IQGAP1: variants seen among roughly 807,000 people sequenced by gnomAD.
IQGAP1 encodes the protein ras GTPase-activating-like protein IQGAP1.
In IQGAP1, 66 loss-of-function variants were observed where a neutral mutation model predicts 215.6. The ratio of observed to expected loss-of-function variants is 0.31; its 90% CI spans 0.25 to 0.38. The LOEUF is 0.38. Among genes scored for constraint, IQGAP1 ranks in the 10% least tolerant of loss-of-function variants. The probability of loss-of-function intolerance (pLI) is 1.00; values close to 1 mark genes in which losing one functional copy is unlikely to be tolerated. For synonymous variants in IQGAP1, 772 were observed against 728.7 expected (o/e 1.06, Z -0.96); for missense variants, 1,712 against 1,997.1 (o/e 0.86, Z 2.72).
In IQGAP1 at chr15:90,454,419, C is replaced by G. The variant is rs760494752; in HGVS notation, c.1488-9C>G. The G allele has an allele frequency of 1.2e-6, 2 of 1,613,340 alleles. No homozygotes were observed. The highest frequency in any genetic ancestry group is 4.5e-5 in the East Asian group (2 of 44,812). ...CTTAATGCTCTTTTTACTTGGGGGTCTGGGGCAGGTATCTCGATGAGTTGA... is the reference window on the plus strand; with the variant it reads ...CTTAATGCTCTTTTTACTTGGGGGTGTGGGGCAGGTATCTCGATGAGTTGA... On this transcript the variant is annotated splice_polypyrimidine_tract_variant and intron_variant, in intron 13 of 37. Transcript: ENST00000268182.
chr15:90,394,523 C>T (rs941412160), intron 2 of IQGAP1, among the ~76,000 whole-genome samples: 39 of 152,260 alleles, frequency 2.6e-4, no homozygotes, highest in African/African-American at 4.8e-4. Context: ...GCATGCTCTT[C>T]GTTATTAGTG....
intron 18 of IQGAP1, among the ~76,000 whole-genome samples, chr15:90,470,584 C>G (rs1302556603): frequency 6.6e-6 from 1 of 151,970 alleles, no homozygotes; most frequent in African/African-American, 2.4e-5. Context: ...TTTTTTAAAG[C>G]CCATGGAATT....
rs887921639 is a variant in IQGAP1, at chr15:90,438,076, G to T, written c.468-1256G>T. 5.3e-5 allele frequency among the ~76,000 whole-genome samples: 8 copies of T among 152,082 alleles called. 1 individual carries two copies. The highest frequency in any genetic ancestry group is 1.9e-4 in the African/African-American group (8 of 41,406). On this transcript the variant is annotated intron_variant, in intron 5 of 37. Coordinates refer to ENST00000268182, the MANE Select transcript of IQGAP1 (RefSeq NM_003870.4). ...TTATATACAATTTAAATTTTGATCA[G>T]TTCTGTGATTGCAGTGTACATGATG...
intron 23 of IQGAP1, chr15:90,474,994 CTTTTTTTTTTT>C (rs771704265): frequency 2.5e-5 from 3 of 119,572 alleles, no homozygotes; most frequent in Admixed American, 8.3e-5. Flanking sequence ...TGATTTTTGG[CTTTTTTTTTTT>C]TTTTTTTTTT....
rs551403823 is a variant in IQGAP1, at chr15:90,452,998, C to T, written c.1326+60C>T. 80 of 1,584,386 alleles carry T rather than the reference C, an allele frequency of 5.0e-5. No individual in the cohort carries two copies. In the African/African-American group the frequency reaches 1.0e-3, roughly 20 times the overall value. ...AGTTGGGTGGACGTGAGTGTAATAC[C>T]CACTTCTTCCTGTGGTTAGGTAGAA... On this transcript the variant is annotated intron_variant, in intron 12 of 37. Coordinates refer to ENST00000268182, the MANE Select transcript of IQGAP1 (RefSeq NM_003870.4).
chr15:90,407,478 A>C (rs1964895850), intron 2 of IQGAP1, among the ~76,000 whole-genome samples: 1 of 152,142 alleles, frequency 6.6e-6, no homozygotes, highest in African/African-American at 2.4e-5. Context: ...AGACAATGGA[A>C]ATCTGCTTAA....
chr15:90,394,194 T>TG (rs1964681163), intron 2 of IQGAP1, among the ~76,000 whole-genome samples: 1 of 150,822 alleles, frequency 6.6e-6, no homozygotes, highest in Non-Finnish European at 1.5e-5. Flanking sequence ...TCAGGTTTTT[T>TG]TTTTTTTTTT....
intron 4 of IQGAP1, among the ~76,000 whole-genome samples, chr15:90,431,461 A>T (rs1384061103): frequency 6.6e-6 from 1 of 152,244 alleles, no homozygotes; most frequent in Non-Finnish European, 1.5e-5. Flanking sequence ...GTGGGCAATG[A>T]CAATAACCTC....
chr15:90,472,320 A>G (rs1358008701), intron 18 of IQGAP1, among the ~76,000 whole-genome samples: 1 of 152,182 alleles, frequency 6.6e-6, no homozygotes, highest in Non-Finnish European at 1.5e-5. Context: ...TTTGCTTGAC[A>G]AAATTTCCTG....
intron 1 of IQGAP1, among the ~76,000 whole-genome samples, chr15:90,390,330 G>T (rs1413765380): frequency 1.3e-5 from 2 of 152,234 alleles, no homozygotes; most frequent in African/African-American, 4.8e-5. Context: ...AAATAGGAGT[G>T]ATAATCACAG....
In IQGAP1 at chr15:90,394,985, G is replaced by A. The variant is rs79717656; in HGVS notation, c.155+4112G>A. Among the ~76,000 whole-genome samples the A allele has an allele frequency of 4.9e-3, 748 of 152,254 alleles. 10 individuals carry two copies. Among genetic ancestry groups the A allele is most frequent in the African/African-American group, 0.017 (727 of 41,558 alleles). On this transcript the variant is annotated intron_variant, in intron 2 of 37. Transcript: ENST00000268182. ...AGAGTATAAGTGTAGAGAGACGAAA[G>A]TTTTCTGTGGCTGTGGGTTTGTGTT... is the stretch of plus-strand genomic sequence containing the variant.
At chr15:90,472,330 G>A (rs1965917119) in intron 18 of IQGAP1, among the ~76,000 whole-genome samples, 1 of 152,100 alleles carries the variant, frequency 6.6e-6, no homozygotes, top group Admixed American at 6.6e-5. Flanking sequence ...AAAATTTCCT[G>A]GCTGTCCAGT....
chr15:90,473,676 G>C (rs780908390), intron 19 of IQGAP1, 39 bp from the exon 20 acceptor site: 24 of 1,397,744 alleles, frequency 1.7e-5, no homozygotes, highest in Admixed American at 1.3e-4. Context: ...ATTGATGCTT[G>C]GGAAGTAATA....
chr15:90,429,809 A>C, intron 4 of IQGAP1, 143 bp downstream of exon 4: 1 of 515,388 alleles, frequency 1.9e-6, no homozygotes, highest in Non-Finnish European at 3.4e-6. Context: ...TTTCTTTTTG[A>C]CTTAGGAAAT....
intron 35 of IQGAP1, 23 bp from the exon 36 acceptor site, chr15:90,494,690 G>GT: frequency 6.3e-7 from 1 of 1,585,694 alleles, no homozygotes; most frequent in East Asian, 2.3e-5. Context: ...CTTATAGAAA[G>GT]TGACATGATG....
intron 28 of IQGAP1, among the ~76,000 whole-genome samples, chr15:90,482,533 A>G (rs1219154534): frequency 6.6e-6 from 1 of 152,198 alleles, no homozygotes; most frequent in African/African-American, 2.4e-5. Flanking sequence ...AGTTTCTTTG[A>G]GTCCTATCTT....
chr15:90,409,451 T>G (rs1361493665), intron 2 of IQGAP1, among the ~76,000 whole-genome samples: 2 of 152,154 alleles, frequency 1.3e-5, no homozygotes, highest in African/African-American at 4.8e-5. Flanking sequence ...TTGGCCAGGC[T>G]GGTCTCGAAC....
chr15:90,455,463 T>A (rs1472474692), intron 14 of IQGAP1, among the ~76,000 whole-genome samples: 1 of 152,116 alleles, frequency 6.6e-6, no homozygotes, highest in Non-Finnish European at 1.5e-5. Flanking sequence ...GAAACATACC[T>A]ATCACTCAGG....
At chr15:90,441,739 T>G in intron 8 of IQGAP1, 55 bp downstream of exon 8, 1 of 1,258,968 alleles carries the variant, frequency 7.9e-7, no homozygotes, top group Non-Finnish European at 1.1e-6. Flanking sequence ...CGTCATTTGA[T>G]ATGGCTCCAG....
Sources: gnomAD v4.1 joint callset for allele counts (sites outside exome capture counted in the v4.1 genomes callset) on GRCh38, gnomAD v4.1.1 for gene constraint, MANE v1.5 for transcripts, NCBI Gene and HGNC (gene_info 2026-07-23, HGNC 2026-07-21) for gene names.